LRRC74A: variants seen among roughly 807,000 people sequenced by gnomAD.
LRRC74A encodes the protein leucine rich repeat containing 74A.
A neutral mutation model predicts 57.9 loss-of-function variants in LRRC74A; 44 were observed. That is an observed-to-expected ratio of 0.76 (90% CI 0.60 to 0.98). LRRC74A has a LOEUF of 0.98. Ranked by LOEUF, LRRC74A falls within the 50% of genes least tolerant of loss-of-function variation. The probability of loss-of-function intolerance (pLI) is 0.00; values close to 1 mark genes in which losing one functional copy is unlikely to be tolerated. For synonymous variants in LRRC74A, 211 were observed against 219.4 expected (o/e 0.96, Z 0.34); for missense variants, 572 against 574.0 (o/e 1.00, Z 0.04).
intron 7 of LRRC74A, among the ~76,000 whole-genome samples, chr14:76,849,934 C>T (rs927989668): frequency 4.6e-5 from 7 of 151,912 alleles, no homozygotes; most frequent in East Asian, 3.9e-4. Flanking sequence ...TAGGGCCAGG[C>T]GTGGTGGCTC....
chr14:76,831,165 G>A (rs1566715167), intron 2 of LRRC74A, 38 bp from the exon 3 acceptor site: 2 of 1,606,714 alleles, frequency 1.2e-6, no homozygotes, highest in South Asian at 1.1e-5. Context: ...AGGCAAAGGT[G>A]GAAGAGAAAT....
At chr14:76,845,963 A>T (rs1333624578) in intron 7 of LRRC74A, among the ~76,000 whole-genome samples, 1 of 152,248 alleles carries the variant, frequency 6.6e-6, no homozygotes, top group Non-Finnish European at 1.5e-5. Flanking sequence ...GGTTGCAGTG[A>T]GCCAAGATGG....
At chr14:76,828,200 G>A (rs987101983) in intron 1 of LRRC74A, 91 bp from the exon 2 acceptor site, 42 of 1,481,206 alleles carry the variant, frequency 2.8e-5, no homozygotes, top group Non-Finnish European at 3.5e-5. Context: ...CAGAGGAAGG[G>A]AGCAGAGATG....
intron 7 of LRRC74A, among the ~76,000 whole-genome samples, chr14:76,849,399 C>T (rs1441787964): frequency 2.6e-5 from 4 of 151,932 alleles, no homozygotes; most frequent in Admixed American, 1.3e-4. Flanking sequence ...TCAAGTGATC[C>T]ACCCTCCTCG....
At chr14:76,869,118 CCTGCCCCGTGCCTCCTCA>C (rs1462618150) in intron 13 of LRRC74A, among the ~76,000 whole-genome samples, 1 of 81,152 alleles carries the variant, frequency 1.2e-5, no homozygotes, top group East Asian at 5.5e-4. Flanking sequence ...TGCCTCCTCA[CCTGCCCCGTGCCTCCTCA>C]CCTGCCCCGT....
chr14:76,859,834 C>T (rs1201566704), intron 10 of LRRC74A, among the ~76,000 whole-genome samples: 2 of 152,048 alleles, frequency 1.3e-5, no homozygotes, highest in Admixed American at 6.5e-5. Context: ...CACTACCGCA[C>T]CTGGCTAATT....
chr14:76,867,410 G>T lies in LRRC74A; in HGVS notation c.1363G>T (p.Asp455Tyr), dbSNP rs370995005. The change falls in exon 13 of 14, where the codon GAT (aspartate) becomes TAT (tyrosine). Residue 455 changes from aspartate (D) to tyrosine (Y), a missense_variant. By Grantham distance (160) the Asp-to-Tyr change is radical. Coordinates refer to ENST00000689127, the MANE Select transcript of LRRC74A (RefSeq NM_001385106.1). ...YQVREVIKKLDEKTGMVNFSF... is the reference protein window; with the variant it reads ...YQVREVIKKLYEKTGMVNFSF... Reference sequence around the variant, plus strand: ...GGTCAGGGAGGTGATAAAGAAGCTCGATGAGAAGACAGGCATGGTGAACTT... The same window carrying T: ...GGTCAGGGAGGTGATAAAGAAGCTCTATGAGAAGACAGGCATGGTGAACTT... 1 of 1,602,450 alleles carries T rather than the reference G, an allele frequency of 6.2e-7. No homozygotes were observed. The highest frequency in any genetic ancestry group is 1.1e-5 in the South Asian group (1 of 90,796).
At chr14:76,842,285 T>C (rs1313187897) in intron 5 of LRRC74A, among the ~76,000 whole-genome samples, 3 of 152,252 alleles carry the variant, frequency 2.0e-5, no homozygotes, top group Non-Finnish European at 2.9e-5. Flanking sequence ...TAGGTGATTA[T>C]ACCTGCAAAT....
At chr14:76,865,717 T>C (rs1227486797) in intron 11 of LRRC74A, among the ~76,000 whole-genome samples, 1 of 152,202 alleles carries the variant, frequency 6.6e-6, no homozygotes, top group Non-Finnish European at 1.5e-5. Context: ...AAGGGGCTCC[T>C]AGAAGCATGG....
intron 11 of LRRC74A, 109 bp from the exon 12 acceptor site, chr14:76,865,859 C>A: frequency 1.2e-6 from 1 of 863,926 alleles, no homozygotes. Context: ...CCCTTTTTAG[C>A]CTTGTTAGGC....
At chr14:76,859,931 GC>G (rs1387293454) in intron 10 of LRRC74A, among the ~76,000 whole-genome samples, 1 of 152,014 alleles carries the variant, frequency 6.6e-6, no homozygotes, top group Non-Finnish European at 1.5e-5. Context: ...ACCCACCTTG[GC>G]CTCCCAAAGT....
chr14:76,830,121 CTGCTGTACAAGCGTCCCAAAGAGAAGT>C (rs1292977753), intron 2 of LRRC74A, among the ~76,000 whole-genome samples: 3 of 152,218 alleles, frequency 2.0e-5, no homozygotes, highest in African/African-American at 7.2e-5. Context: ...CTGAGAAGCG[CTGCTGTACAAGCGTCCCAAAGAGAAGT>C]CTAATTTGTA....
intron 7 of LRRC74A, among the ~76,000 whole-genome samples, chr14:76,850,873 GA>G (rs1421946095): frequency 6.8e-6 from 1 of 147,286 alleles, no homozygotes; most frequent in African/African-American, 2.5e-5. Context: ...AAGAAAGAAA[GA>G]AAGAAAGAAA....
rs746322813 is a variant in LRRC74A, at chr14:76,867,395, G to A, written c.1348G>A (p.Val450Met). 55 of 1,602,838 alleles carry A rather than the reference G, an allele frequency of 3.4e-5. No individual in the cohort carries two copies. In the South Asian group the frequency reaches 6.1e-4, roughly 18 times the overall value. ...CCTGAACCAGTACCAGGTCAGGGAG[G>A]TGATAAAGAAGCTCGATGAGAAGAC... ...VPLNQYQVRE[V>M]IKKLDEKTGM... The change falls in exon 13 of 14, where the codon GTG (valine) becomes ATG (methionine). Residue 450 changes from valine to methionine, a missense_variant. Coordinates refer to ENST00000689127, the MANE Select transcript of LRRC74A (RefSeq NM_001385106.1).
intron 11 of LRRC74A, among the ~76,000 whole-genome samples, chr14:76,863,929 C>T (rs1898537414): frequency 1.3e-5 from 2 of 152,264 alleles, no homozygotes; most frequent in Admixed American, 1.3e-4. Flanking sequence ...CACCACCTGC[C>T]TCTCTCAAAT....
chr14:76,837,154 A>T (rs144837572), intron 4 of LRRC74A, among the ~76,000 whole-genome samples: 64 of 152,298 alleles, frequency 4.2e-4, no homozygotes, highest in African/African-American at 1.4e-3. Context: ...AAAAAAATTG[A>T]TAAATGTAGC....
At chr14:76,848,943 T>C (rs945151563) in intron 7 of LRRC74A, among the ~76,000 whole-genome samples, 12 of 152,194 alleles carry the variant, frequency 7.9e-5, no homozygotes, top group African/African-American at 2.9e-4. Context: ...AAGCCTGTCA[T>C]TGCCGCTATT....
chr14:76,836,357 G>A, intron 4 of LRRC74A, 43 bp downstream of exon 4: 2 of 1,436,984 alleles, frequency 1.4e-6, no homozygotes, highest in Non-Finnish European at 1.9e-6. Flanking sequence ...CATCCCTGGG[G>A]ATTCACAACC....
chr14:76,859,680 T>C lies in LRRC74A; in HGVS notation c.1054-1013T>C, dbSNP rs889956094. On this transcript the variant is annotated intron_variant, in intron 10 of 13. Coordinates refer to ENST00000689127, the MANE Select transcript of LRRC74A (RefSeq NM_001385106.1). ...AATTAGCCTTTTTTTTTTTTTTTTT[T>C]TTTTTGGGTGTTGGGGATGGAGTCT... Among the ~76,000 whole-genome samples, 19 of 147,072 alleles carry C rather than the reference T, an allele frequency of 1.3e-4. No individual in the cohort carries two copies. In the East Asian group the frequency reaches 3.1e-3, roughly 24 times the overall value.
Sources: gnomAD v4.1 joint callset for allele counts (sites outside exome capture counted in the v4.1 genomes callset) on GRCh38, gnomAD v4.1.1 for gene constraint, MANE v1.5 for transcripts, NCBI Gene and HGNC (gene_info 2026-07-23, HGNC 2026-07-21) for gene names.